Variants in LRRC53 observed in about 807,000 individuals in gnomAD.
LRRC53 encodes the protein leucine-rich repeat-containing protein 53.
LRRC53 carries 25 observed loss-of-function variants against 13.6 expected under a neutral mutation model. The ratio of observed to expected loss-of-function variants is 1.83; its 90% confidence interval spans 1.34 to 2.56. The LOEUF (loss-of-function observed/expected upper bound fraction) is 2.56, where lower values mean the gene tolerates loss of function less well. LRRC53 is among the 30% of genes most tolerant of loss of function. The probability of loss-of-function intolerance (pLI) is 0.00; values close to 1 mark genes in which losing one functional copy is unlikely to be tolerated. For missense variants in LRRC53, 527 were observed against 275.8 expected, an observed-to-expected ratio of 1.91 and a Z score of -6.45; for synonymous variants, 204 against 109.8, an observed-to-expected ratio of 1.86 and a Z score of -5.37.
chr1:74,507,654 A>G (rs559541787), intron 1 of LRRC53, among the ~76,000 whole-genome samples: 1 of 152,218 alleles, frequency 6.6e-6, no homozygotes, highest in African/African-American at 2.4e-5. Flanking sequence ...TCACATTAGG[A>G]TGGTTCACTG....
intron 1 of LRRC53, among the ~76,000 whole-genome samples, chr1:74,497,862 A>G (rs1186814459): frequency 6.6e-6 from 1 of 152,172 alleles, no homozygotes; most frequent in African/African-American, 2.4e-5. Context: ...TTGATTCAGG[A>G]GTCCGAAATC....
intron 1 of LRRC53, among the ~76,000 whole-genome samples, chr1:74,511,102 G>C (rs1670191783): frequency 6.6e-6 from 1 of 152,032 alleles, no homozygotes; most frequent in Non-Finnish European, 1.5e-5. Flanking sequence ...TGGCCAGGCT[G>C]GTCTGGAACT....
At chr1:74,506,369 G>A (rs1011356190) in intron 1 of LRRC53, among the ~76,000 whole-genome samples, 5 of 152,146 alleles carry the variant, frequency 3.3e-5, no homozygotes, top group Non-Finnish European at 7.3e-5. Flanking sequence ...GCCTGCCCAA[G>A]GCTTTGTAAC....
At chr1:74,514,580 T>C (rs1646321443), upstream of LRRC53, among the ~76,000 whole-genome samples, 1 of 152,146 alleles carries the variant, frequency 6.6e-6, no homozygotes, top group Admixed American at 6.6e-5. Flanking sequence ...TAGGTAGATA[T>C]TATCTCCATT....
intron 1 of LRRC53, among the ~76,000 whole-genome samples, chr1:74,500,150 T>G: frequency 6.6e-6 from 1 of 152,048 alleles, no homozygotes; most frequent in East Asian, 1.9e-4. Context: ...TCCTGACCTC[T>G]ATAATACCTC....
intron 3 of LRRC53, among the ~76,000 whole-genome samples, chr1:74,478,238 C>A (rs1668301752): frequency 6.6e-6 from 1 of 152,056 alleles, no homozygotes; most frequent in Non-Finnish European, 1.5e-5. Context: ...CTTCTCAAAG[C>A]ACTACAATTT....
chr1:74,531,536 G>T, the LRRC53 span, among the ~76,000 whole-genome samples: 15 of 152,212 alleles, frequency 9.9e-5, no homozygotes, highest in Non-Finnish European at 2.2e-4. Flanking sequence ...CCGTCTGACA[G>T]ATCTGTTTTA....
the LRRC53 span, among the ~76,000 whole-genome samples, chr1:74,536,222 C>T: frequency 6.6e-6 from 1 of 152,074 alleles, no homozygotes; most frequent in Admixed American, 6.6e-5. Context: ...GTTTTAAATG[C>T]CCTGGTTCAT....
In LRRC53 at chr1:74,480,322, G is replaced by A. The variant is rs1436113776; in HGVS notation, c.735C>T (p.Asp245=). 2.8e-6 allele frequency: 2 copies of A among 717,818 alleles called. No individual in the cohort carries two copies. The highest frequency in any genetic ancestry group is 4.0e-5 in the Admixed American group (2 of 50,028). The allele number at this position is 717,818 out of a possible 1,614,324, so 44.5% of individuals were successfully genotyped here. ...SSAHTLRNAK[D]LNCQPSTAAV... ...CTGCGGTAGATGGCTGGCAATTTAGGTCCTTGGCATTCCTGAGCGTGTGAG... is the reference window on the plus strand; with the variant it reads ...CTGCGGTAGATGGCTGGCAATTTAGATCCTTGGCATTCCTGAGCGTGTGAG... Residue 245 remains aspartate (D), a synonymous_variant, in exon 3 of 5, where the codon GAC becomes GAT. Coordinates refer to ENST00000294635, the MANE Select transcript of LRRC53 (RefSeq NM_001382280.1).
At chr1:74,514,548 T>C (rs144229509), upstream of LRRC53, among the ~76,000 whole-genome samples, 3,495 of 152,290 alleles carry the variant, frequency 0.023, 61 homozygotes, top group Admixed American at 0.042. Flanking sequence ...ATATTATTAA[T>C]ATAATATCCC....
rs1667893446 is a variant in LRRC53 at position 74,470,876 on chromosome 1, T to G, written c.2746A>C (p.Ser916Arg). Reference sequence around the variant, plus strand: ...GACAAAGAAAACTGATTTAACTCACTGGTCTTTGATACATTCTGTCCCATG... The same window carrying G: ...GACAAAGAAAACTGATTTAACTCACGGGTCTTTGATACATTCTGTCCCATG... ...EHMGQNVSKT[S>R]ELNQFSLSPR... The change falls in exon 5 of 5, where the codon AGT becomes CGT. Residue 916 changes from serine (S) to arginine (R), a missense_variant. Coordinates refer to ENST00000294635, the MANE Select transcript of LRRC53 (RefSeq NM_001382280.1). 1 of 400,758 alleles carries G rather than the reference T, an allele frequency of 2.5e-6. No individual in the cohort carries two copies. Among genetic ancestry groups the G allele is most frequent in the Non-Finnish European group, 4.4e-6 (1 of 226,210 alleles). 24.8% of individuals were successfully genotyped at this position (400,758 alleles called of 1,614,324 possible). A position where few individuals can be genotyped will look rare whatever the true frequency, so the allele number is the denominator to read the frequency against.
In LRRC53 at chr1:74,480,431, A is replaced by G. The variant is rs905200054; in HGVS notation, c.626T>C (p.Leu209Pro). Residue 209 changes from leucine to proline, a missense_variant, in exon 3 of 5, where the codon CTG (leucine) becomes CCG (proline). Transcript: ENST00000294635. Reference protein sequence around the residue: ...VFTPLKQLILLSLDKNQWSCT... With the variant: ...VFTPLKQLILPSLDKNQWSCT... ...GCTCCACTGGTTCTTATCTAAGCTC[A>G]GAAGGATTAACTGCTTCAGTGGAGT... 5.6e-6 allele frequency: 4 copies of G among 717,458 alleles called. No individual in the cohort carries two copies. Among genetic ancestry groups the G allele is most frequent in the Non-Finnish European group, 1.0e-5 (4 of 385,112 alleles). The allele number at this position is 717,458 out of a possible 1,614,324, so 44.4% of individuals were successfully genotyped here. A position where few individuals can be genotyped will look rare whatever the true frequency, so the allele number is the denominator to read the frequency against.
At chr1:74,532,671 T>C in the LRRC53 span, among the ~76,000 whole-genome samples, 2 of 135,928 alleles carry the variant, frequency 1.5e-5, no homozygotes, top group African/African-American at 5.5e-5. Context: ...TTCCCCTCCC[T>C]GTGTCCATGT....
chr1:74,506,699 A>T (rs760794718), intron 1 of LRRC53, among the ~76,000 whole-genome samples: 22 of 152,334 alleles, frequency 1.4e-4, no homozygotes, highest in Middle Eastern at 6.8e-3. Flanking sequence ...AGATTTTAAC[A>T]GGCGACTTGC....
chr1:74,480,200 A>G lies in LRRC53; in HGVS notation c.857T>C (p.Leu286Pro). The change falls in exon 3 of 5, where the codon CTC (leucine) becomes CCC (proline). Residue 286 changes from leucine to proline, a missense_variant. Transcript: ENST00000294635. ...CAGGGCCACATCTGGTCCTGGGAGG[A>G]GGGGACTTCTGTCCTTTAGAACCAG... is the stretch of plus-strand genomic sequence containing the variant. ...FTLVLKDRSP[L>P]LPGPDVALLT... 5.6e-6 allele frequency: 4 copies of G among 717,468 alleles called. No homozygotes were observed. The highest frequency in any genetic ancestry group is 3.0e-5 in the South Asian group (2 of 67,598). 44.4% of individuals were successfully genotyped at this position (717,468 alleles called of 1,614,324 possible). A position where few individuals can be genotyped will look rare whatever the true frequency, so the allele number is the denominator to read the frequency against.
chr1:74,518,873 C>CTTTTTTTTTTTTTTTT, the LRRC53 span, among the ~76,000 whole-genome samples: 2 of 100,358 alleles, frequency 2.0e-5, no homozygotes, highest in Non-Finnish European at 1.8e-5. Context: ...TTTTTTTTCC[C>CTTTTTTTTTTTTTTTT]CTTTTTTTTT....
At chr1:74,487,880 G>A (rs983463845) in intron 1 of LRRC53, among the ~76,000 whole-genome samples, 2 of 152,132 alleles carry the variant, frequency 1.3e-5, no homozygotes, top group Non-Finnish European at 2.9e-5. Context: ...TAGAGAGAAA[G>A]GGACAGCTCA....
At chr1:74,504,206 T>C (rs150204221) in intron 1 of LRRC53, among the ~76,000 whole-genome samples, 3 of 152,352 alleles carry the variant, frequency 2.0e-5, no homozygotes, top group East Asian at 1.9e-4. Flanking sequence ...ATCACCAGAA[T>C]TGGACATAGT....
chr1:74,513,723 G>A (rs1228856556), upstream of LRRC53, among the ~76,000 whole-genome samples: 1 of 152,162 alleles, frequency 6.6e-6, no homozygotes, highest in Non-Finnish European at 1.5e-5. Flanking sequence ...CATTACCAGA[G>A]AGAAATATTT....
Sources: allele counts gnomAD v4.1 joint callset (sites outside exome capture counted in the v4.1 genomes callset), GRCh38; gene constraint gnomAD v4.1.1; transcripts MANE v1.5; gene names NCBI Gene and HGNC (gene_info 2026-07-23, HGNC 2026-07-21).